ZNF385C: variants seen among roughly 807,000 people sequenced by gnomAD.
ZNF385C encodes the protein CTD-2132N18.2.
ZNF385C carries 28 observed loss-of-function variants against 35.4 expected under a neutral mutation model. The ratio of observed to expected loss-of-function variants is 0.79; its 90% CI spans 0.59 to 1.08. The LOEUF (loss-of-function observed/expected upper bound fraction) is 1.08, where lower values mean the gene tolerates loss of function less well. ZNF385C is among the 50% of genes least tolerant of loss of function. The probability of loss-of-function intolerance (pLI) is 0.00; values close to 1 mark genes in which losing one functional copy is unlikely to be tolerated. For synonymous variants in ZNF385C, 248 were observed against 248.2 expected, an observed-to-expected ratio of 1.00 and a Z score of 0.01; for missense variants, 605 against 595.6, an observed-to-expected ratio of 1.02 and a Z score of -0.16.
chr17:42,040,403 C>G (rs898371881), intron 2 of ZNF385C: 2 of 1,232,026 alleles, frequency 1.6e-6, no homozygotes. Context: ...CCACCTGAGC[C>G]GCGCTGAGCT....
chr17:42,073,646 G>A lies in ZNF385C; in HGVS notation c.-2-10588C>T, dbSNP rs75457980. 7.6e-3 allele frequency among the ~76,000 whole-genome samples: 1,152 copies of A among 152,264 alleles called. 22 individuals are homozygous for A. The highest frequency in any genetic ancestry group is 8.7e-3 in the Non-Finnish European group (589 of 68,026). ...CAAAGCACAGGGTCCAGCACACAGT[G>A]GGCACACACAGGGGCATGGAGCCAA... On this transcript the variant is annotated intron_variant, in intron 1 of 8. Coordinates refer to ENST00000692273, the MANE Select transcript of ZNF385C (RefSeq NM_001392013.1).
At chr17:42,064,073 TACACACACAC>T (rs55771386) in intron 1 of ZNF385C, among the ~76,000 whole-genome samples, 3,595 of 129,812 alleles carry the variant, frequency 0.028, 58 homozygotes, top group Middle Eastern at 0.039. Flanking sequence ...CACACGCACA[TACACACACAC>T]ACACACACAC....
chr17:42,062,486 C>T, intron 2 of ZNF385C: 1 of 241,576 alleles, frequency 4.1e-6, no homozygotes. Flanking sequence ...CCTGTGGCTA[C>T]CAGGAGGCTC....
At chr17:42,090,179 C>G (rs1381366475) in intron 1 of ZNF385C, among the ~76,000 whole-genome samples, 1 of 151,940 alleles carries the variant, frequency 6.6e-6, no homozygotes. Context: ...CTCCCTCCTC[C>G]TTCTCATGGC....
rs1461167484 is a variant in ZNF385C at position 42,083,107 on chromosome 17, T to A, written c.-3+15303A>T. Among the ~76,000 whole-genome samples, 6 of 151,846 alleles carry A rather than the reference T, an allele frequency of 4.0e-5. No individual in the cohort carries two copies. In the South Asian group the frequency reaches 8.3e-4, roughly 21 times the overall value. On this transcript the variant is annotated intron_variant, in intron 1 of 8. Coordinates refer to ENST00000692273, the MANE Select transcript of ZNF385C (RefSeq NM_001392013.1). ...AACCAAAACAACAAAAAACAGTACC[T>A]CTTGAGAGACAAAGTGGCAAATGTA... is the stretch of plus-strand genomic sequence containing the variant.
At chr17:42,051,936 G>T (rs1555657142) in intron 2 of ZNF385C, among the ~76,000 whole-genome samples, 1 of 152,134 alleles carries the variant, frequency 6.6e-6, no homozygotes, top group Non-Finnish European at 1.5e-5. Flanking sequence ...ACGTGTGGCC[G>T]CCTGACTCCT....
At chr17:42,040,191 C>T in intron 2 of ZNF385C, 9 of 1,231,578 alleles carry the variant, frequency 7.3e-6, no homozygotes, top group Non-Finnish European at 9.1e-6. Flanking sequence ...CGAAGGCGGC[C>T]ACGGCGTCCA....
Position 42,040,155 on chromosome 17 carries a change from G to C in ZNF385C, c.251-2270C>G, listed in dbSNP as rs1362203591. ...TGCCCAGCTCCTCCGGCGCCTGCGG[G>C]TAGCGTCGGGGGTCGAAGATCGCTG... On this transcript the variant is annotated intron_variant, in intron 2 of 8. Transcript: ENST00000692273. 4.9e-6 allele frequency: 6 copies of C among 1,231,446 alleles called. No homozygotes were observed. In the African/African-American group the frequency reaches 9.3e-5, roughly 19 times the overall value. 76.3% of individuals were successfully genotyped at this position (1,231,446 alleles called of 1,614,324 possible).
At chr17:42,049,383 G>A (rs1171712165) in intron 2 of ZNF385C, among the ~76,000 whole-genome samples, 1 of 152,078 alleles carries the variant, frequency 6.6e-6, no homozygotes, top group Non-Finnish European at 1.5e-5. Context: ...TCTCATGCAC[G>A]TTCCCTGAGG....
In ZNF385C at chr17:42,026,853, A is replaced by G; in HGVS notation, c.*44T>C. 1.3e-6 allele frequency: 2 copies of G among 1,534,822 alleles called. No homozygotes were observed. The highest frequency in any genetic ancestry group is 1.8e-6 in the Non-Finnish European group (2 of 1,129,098). ...AAGGTGTCTCAGGACAGGAGGAGAC[A>G]AGGAGTGGCTATTGGGAAATCAGCT... is the stretch of plus-strand genomic sequence containing the variant. On this transcript the variant is annotated 3_prime_UTR_variant, in exon 9 of 9. Coordinates refer to ENST00000692273, the MANE Select transcript of ZNF385C (RefSeq NM_001392013.1).
chr17:42,059,988 A>G (rs9904326), intron 2 of ZNF385C, among the ~76,000 whole-genome samples: 110,700 of 151,988 alleles, frequency 0.73, 42,744 homozygotes, highest in South Asian at 0.85. Flanking sequence ...TGGGATTGGG[A>G]AGGGAGGAGC....
At chr17:42,045,277 T>G (rs909113251) in intron 2 of ZNF385C, among the ~76,000 whole-genome samples, 15 of 152,184 alleles carry the variant, frequency 9.9e-5, no homozygotes, top group African/African-American at 3.6e-4. Flanking sequence ...GGTCTCGATC[T>G]CCTGACCTTG....
chr17:42,036,662 C>T (rs1555655507), intron 3 of ZNF385C, among the ~76,000 whole-genome samples: 1 of 152,194 alleles, frequency 6.6e-6, no homozygotes, highest in Non-Finnish European at 1.5e-5. Context: ...TTTCACAGCA[C>T]CCAGGGCCAG....
At chr17:42,089,669 T>C (rs1555660356) in intron 1 of ZNF385C, among the ~76,000 whole-genome samples, 1 of 152,190 alleles carries the variant, frequency 6.6e-6, no homozygotes, top group African/African-American at 2.4e-5. Context: ...ATTTAAATCT[T>C]CCAAAATGGA....
At chr17:42,078,857 G>A (rs572660337) in intron 1 of ZNF385C, among the ~76,000 whole-genome samples, 88 of 152,214 alleles carry the variant, frequency 5.8e-4, no homozygotes, top group Non-Finnish European at 1.1e-3. Flanking sequence ...GAGGGACTGC[G>A]GGGAACTGGA....
intron 2 of ZNF385C, chr17:42,042,957 C>T: frequency 8.1e-7 from 1 of 1,232,514 alleles, no homozygotes; most frequent in Non-Finnish European, 1.0e-6. Context: ...GCACATCCTC[C>T]TTTGCCATGC....
At chr17:42,032,026 T>C (rs961948161) in intron 4 of ZNF385C, among the ~76,000 whole-genome samples, 1 of 152,138 alleles carries the variant, frequency 6.6e-6, no homozygotes, top group Non-Finnish European at 1.5e-5. Flanking sequence ...CCCAGCCACT[T>C]ACTAACCACA....
chr17:42,048,878 A>G (rs1418070829), intron 2 of ZNF385C, among the ~76,000 whole-genome samples: 3 of 150,220 alleles, frequency 2.0e-5, no homozygotes, highest in Non-Finnish European at 1.5e-5. Flanking sequence ...AAAATATACC[A>G]CTTTAGTGAG....
intron 1 of ZNF385C, among the ~76,000 whole-genome samples, chr17:42,082,644 C>G (rs1401979975): frequency 6.6e-6 from 1 of 152,244 alleles, no homozygotes; most frequent in East Asian, 1.9e-4. Flanking sequence ...TCTAAAGAAC[C>G]AGGTATCAGC....
Sources: gnomAD v4.1 joint callset for allele counts (sites outside exome capture counted in the v4.1 genomes callset) on GRCh38, gnomAD v4.1.1 for gene constraint, MANE v1.5 for transcripts, NCBI Gene and HGNC (gene_info 2026-07-23, HGNC 2026-07-21) for gene names.